The following UBE2K variants were observed in gnomAD, a reference collection of about 807,000 sequenced individuals.
The protein encoded by UBE2K is ubiquitin conjugating enzyme E2 K.
A neutral mutation model predicts 30.0 loss-of-function variants in UBE2K; 6 were observed. The ratio of observed to expected loss-of-function variants is 0.20; its 90% CI spans 0.11 to 0.39. UBE2K has a LOEUF of 0.39. Ranked by LOEUF, UBE2K falls within the 10% of genes least tolerant of loss-of-function variation. UBE2K has a pLI of 1.00. For missense variants in UBE2K, 61 were observed against 241.6 expected (o/e 0.25, Z 4.96); for synonymous variants, 86 against 83.7 (o/e 1.03, Z -0.15).
At chr4:39,756,899 G>C (rs1291354627) in intron 4 of UBE2K, among the ~76,000 whole-genome samples, 2 of 151,498 alleles carry the variant, frequency 1.3e-5, no homozygotes, top group Non-Finnish European at 2.9e-5. Flanking sequence ...AGAAGACTTG[G>C]AGCCAAAACT....
At chr4:39,761,594 A>T (rs1711948741) in intron 4 of UBE2K, among the ~76,000 whole-genome samples, 1 of 152,242 alleles carries the variant, frequency 6.6e-6, no homozygotes, top group Admixed American at 6.5e-5. Flanking sequence ...ATTATCTTCT[A>T]AATTATAAAG....
In UBE2K at chr4:39,769,213, G is replaced by GTT. The variant is rs60471860; in HGVS notation, c.300-5607_300-5606dup. 5.3e-4 allele frequency among the ~76,000 whole-genome samples: 68 copies of GTT among 128,704 alleles called. 1 individual carries two copies. Among genetic ancestry groups the GTT allele is most frequent in the African/African-American group, 1.9e-3 (66 of 34,716 alleles). The allele number at this position is 128,704 out of a possible 152,430, so 84.4% of individuals were successfully genotyped here. On this transcript the variant is annotated intron_variant, in intron 4 of 6. Transcript: ENST00000261427. ...TAAAACAACCCTGGAGTTTCTTTTTGTTTTTTTTTTTTTTTCGTTTTGTTT... is the reference window on the plus strand; with the variant it reads ...TAAAACAACCCTGGAGTTTCTTTTTGTTTTTTTTTTTTTTTTTCGTTTTGTTT...
intron 1 of UBE2K, among the ~76,000 whole-genome samples, chr4:39,729,635 T>TA (rs1719963008): frequency 6.6e-6 from 1 of 152,198 alleles, no homozygotes; most frequent in African/African-American, 2.4e-5. Flanking sequence ...CATTTCCCCC[T>TA]ACTCCAGCCA....
chr4:39,733,332 ATTTTTTTT>A (rs34069872), intron 1 of UBE2K, among the ~76,000 whole-genome samples: 1 of 129,020 alleles, frequency 7.8e-6, no homozygotes, highest in Non-Finnish European at 1.6e-5. Flanking sequence ...TCGGGCTTTA[ATTTTTTTT>A]TTTTTTTTTT....
At chr4:39,698,640 G>A (rs1357048558) in intron 1 of UBE2K, among the ~76,000 whole-genome samples, 2 of 152,128 alleles carry the variant, frequency 1.3e-5, no homozygotes, top group Non-Finnish European at 2.9e-5. Flanking sequence ...TGGACAGGGG[G>A]CAACTCCTCG....
At chr4:39,727,031 T>G (rs1719790654) in intron 1 of UBE2K, among the ~76,000 whole-genome samples, 1 of 152,214 alleles carries the variant, frequency 6.6e-6, no homozygotes, top group African/African-American at 2.4e-5. Context: ...ATCAATTGTC[T>G]TATTATGTCC....
intron 2 of UBE2K, among the ~76,000 whole-genome samples, chr4:39,738,469 A>G (rs1720497328): frequency 6.6e-6 from 1 of 152,168 alleles, no homozygotes; most frequent in Non-Finnish European, 1.5e-5. Context: ...TAATATTGGA[A>G]GTGGTGGTGA....
chr4:39,733,085 T>TC (rs1375915047), intron 1 of UBE2K, among the ~76,000 whole-genome samples: 2 of 135,612 alleles, frequency 1.5e-5, no homozygotes, highest in Non-Finnish European at 1.6e-5. Context: ...CAACCAGAGG[T>TC]CCCGCTATGT....
At chr4:39,721,395 C>T (rs998632690) in intron 1 of UBE2K, among the ~76,000 whole-genome samples, 2 of 152,118 alleles carry the variant, frequency 1.3e-5, no homozygotes, top group African/African-American at 4.8e-5. Context: ...CCTCTGTCAC[C>T]CAGGCTGGAG....
Position 39,778,491 on chromosome 4 carries a change from C to T in UBE2K, c.*57C>T, listed in dbSNP as rs1713411630. The T allele has an allele frequency of 8.6e-7, 1 of 1,169,064 alleles. No homozygotes were observed. Among genetic ancestry groups the T allele is most frequent in the Non-Finnish European group, 1.3e-6 (1 of 791,452 alleles). 72.4% of individuals were successfully genotyped at this position (1,169,064 alleles called of 1,614,324 possible). On this transcript the variant is annotated 3_prime_UTR_variant, in exon 7 of 7. Transcript: ENST00000261427. The stretch of plus-strand genomic sequence containing the variant: ...GCCTCTTCTTGAGGAGCACCAACAT[C>T]TGTTATTTTTAGGATTCTGCATAGA...
intron 2 of UBE2K, among the ~76,000 whole-genome samples, chr4:39,743,135 A>G (rs1224607299): frequency 6.6e-6 from 1 of 152,188 alleles, no homozygotes; most frequent in Non-Finnish European, 1.5e-5. Context: ...ATAGTCATCC[A>G]TCCATTCATA....
intron 3 of UBE2K, among the ~76,000 whole-genome samples, chr4:39,752,657 G>T (rs1434872462): frequency 1.3e-5 from 2 of 152,012 alleles, no homozygotes; most frequent in African/African-American, 4.8e-5. Context: ...GTTATAAAAT[G>T]CTGTGAATTC....
chr4:39,742,671 G>T (rs2109356501), intron 2 of UBE2K, among the ~76,000 whole-genome samples: 1 of 152,292 alleles, frequency 6.6e-6, no homozygotes, highest in Admixed American at 6.5e-5. Context: ...GAACTGGGAG[G>T]TGAAGGTTGC....
intron 1 of UBE2K, among the ~76,000 whole-genome samples, chr4:39,707,918 G>A (rs1208419768): frequency 6.6e-6 from 1 of 150,492 alleles, no homozygotes; most frequent in Non-Finnish European, 1.5e-5. Flanking sequence ...TTTTTTCTGA[G>A]ACAGTTTTGC....
chr4:39,770,466 T>C, intron 4 of UBE2K: 1 of 1,610,294 alleles, frequency 6.2e-7, no homozygotes, highest in Non-Finnish European at 8.5e-7. Flanking sequence ...GCACTTGATG[T>C]TCTTTAAGGG....
At chr4:39,751,543 A>G (rs1181332623) in intron 3 of UBE2K, among the ~76,000 whole-genome samples, 5 of 152,116 alleles carry the variant, frequency 3.3e-5, no homozygotes, top group Non-Finnish European at 7.4e-5. Flanking sequence ...GCCAGGAGTG[A>G]TGGCGCACGC....
intron 4 of UBE2K, among the ~76,000 whole-genome samples, chr4:39,771,603 G>A (rs1467201167): frequency 6.6e-6 from 1 of 152,206 alleles, no homozygotes; most frequent in East Asian, 1.9e-4. Flanking sequence ...GCGCTGGCGG[G>A]GCCGGCTCCA....
chr4:39,773,115 G>A (rs529018475), intron 4 of UBE2K, among the ~76,000 whole-genome samples: 18 of 152,224 alleles, frequency 1.2e-4, no homozygotes, highest in African/African-American at 3.6e-4. Context: ...TAAATTAAGT[G>A]ATGTAGTTTA....
chr4:39,777,675 C>CAT lies in UBE2K; in HGVS notation c.400-3_400-2dup. 6.5e-7 allele frequency: 1 copy of CAT among 1,545,916 alleles called. No individual in the cohort carries two copies. Among genetic ancestry groups the CAT allele is most frequent in the Non-Finnish European group, 8.6e-7 (1 of 1,157,454 alleles). ...TGTCATGTCAATCAATTTTTCCCCC[C>CAT]ATATAGTACAAACAAAATCCCGAAA... On this transcript the variant is annotated splice_polypyrimidine_tract_variant and splice_region_variant and intron_variant, in intron 5 of 6. Transcript: ENST00000261427.
Sources: gnomAD v4.1 joint callset for allele counts (sites outside exome capture counted in the v4.1 genomes callset) on GRCh38, gnomAD v4.1.1 for gene constraint, MANE v1.5 for transcripts, NCBI Gene and HGNC (gene_info 2026-07-23, HGNC 2026-07-21) for gene names.